RBM47: variants seen among roughly 807,000 people sequenced by gnomAD.
The protein encoded by RBM47 is RNA-binding protein 47.
In RBM47, 21 loss-of-function variants were observed where a neutral mutation model predicts 47.1. That is an observed-to-expected ratio of 0.45 (90% CI 0.32 to 0.64). The LOEUF (loss-of-function observed/expected upper bound fraction) is 0.64, where lower values mean the gene tolerates loss of function less well. Among genes scored for constraint, RBM47 ranks in the 30% least tolerant of loss-of-function variants. RBM47 has a pLI of 0.05. For missense variants in RBM47, 708 were observed against 870.9 expected, an observed-to-expected ratio of 0.81 and a Z score of 2.35; for synonymous variants, 375 against 361.7, an observed-to-expected ratio of 1.04 and a Z score of -0.42.
rs569624798 is a variant in RBM47, at chr4:40,557,640, T to C, written c.-239-13134A>G. On this transcript the variant is annotated intron_variant, in intron 1 of 6. Transcript: ENST00000295971. ...GGTGGGTGCCAGAAATCCCAGCTAC[T>C]TGGGATGCTGAAGCAGGAGAATCGC... 4.6e-5 allele frequency among the ~76,000 whole-genome samples: 7 copies of C among 152,182 alleles called. No homozygotes were observed. In the East Asian group the frequency reaches 1.4e-3, roughly 29 times the overall value.
intron 2 of RBM47, among the ~76,000 whole-genome samples, chr4:40,498,684 A>AT: frequency 6.6e-6 from 1 of 151,768 alleles, no homozygotes; most frequent in East Asian, 1.9e-4. Flanking sequence ...AAAAAAAAAA[A>AT]AAAAAAAAAT....
At chr4:40,463,884 G>A (rs141261911) in intron 3 of RBM47, among the ~76,000 whole-genome samples, 11 of 152,062 alleles carry the variant, frequency 7.2e-5, no homozygotes, top group Non-Finnish European at 1.5e-4. Flanking sequence ...CCTGTGAAAC[G>A]CACATTGCCA....
intron 1 of RBM47, among the ~76,000 whole-genome samples, chr4:40,591,264 T>C (rs115938489): frequency 1.8e-3 from 268 of 152,198 alleles, no homozygotes; most frequent in African/African-American, 6.1e-3. Flanking sequence ...TGGAAGTAGG[T>C]AGAGGTGATG....
intron 2 of RBM47, among the ~76,000 whole-genome samples, chr4:40,526,557 G>GT (rs1726732688): frequency 6.6e-6 from 1 of 151,812 alleles, no homozygotes; most frequent in Non-Finnish European, 1.5e-5. Context: ...GTTTCTTTTT[G>GT]TTTTTTGTTT....
intron 1 of RBM47, among the ~76,000 whole-genome samples, chr4:40,544,714 G>A (rs2154262620): frequency 6.6e-6 from 1 of 152,246 alleles, no homozygotes; most frequent in African/African-American, 2.4e-5. Context: ...ACATCATTTT[G>A]CCAGCTCTGC....
intron 2 of RBM47, among the ~76,000 whole-genome samples, chr4:40,508,991 T>C (rs1159399342): frequency 1.3e-5 from 2 of 152,072 alleles, no homozygotes; most frequent in African/African-American, 2.4e-5. Context: ...TGAAACCCTG[T>C]CTCTACTAAA....
chr4:40,572,401 A>C (rs1288644333), intron 1 of RBM47, among the ~76,000 whole-genome samples: 1 of 151,874 alleles, frequency 6.6e-6, no homozygotes, highest in Non-Finnish European at 1.5e-5. Flanking sequence ...CTCTCAATGT[A>C]CTGTTATTGA....
chr4:40,578,884 A>G (rs1238001590), intron 1 of RBM47, among the ~76,000 whole-genome samples: 3 of 152,160 alleles, frequency 2.0e-5, no homozygotes, highest in African/African-American at 7.2e-5. Flanking sequence ...TTGGGAGGCC[A>G]GGGAGGGCAG....
rs372794689 is a variant in RBM47 at position 40,546,678 on chromosome 4, T to C, written c.-239-2172A>G. ...ACTAAGGTTGAGCTTCTGATTAACA[T>C]ACAGTGCTGGAAGGAACTTTGACCC... is the stretch of plus-strand genomic sequence containing the variant. On this transcript the variant is annotated intron_variant, in intron 1 of 6. Transcript: ENST00000295971. 2.6e-5 allele frequency among the ~76,000 whole-genome samples: 4 copies of C among 152,314 alleles called. No individual in the cohort carries two copies. In the East Asian group the frequency reaches 5.8e-4, roughly 22 times the overall value.
At chr4:40,454,504 C>A (rs931623481) in intron 3 of RBM47, among the ~76,000 whole-genome samples, 1 of 151,790 alleles carries the variant, frequency 6.6e-6, no homozygotes, top group Non-Finnish European at 1.5e-5. Context: ...TATTTTTATT[C>A]ATTTATTTTT....
chr4:40,481,834 G>A (rs945350596), intron 2 of RBM47, among the ~76,000 whole-genome samples: 3 of 152,194 alleles, frequency 2.0e-5, no homozygotes, highest in Non-Finnish European at 4.4e-5. Flanking sequence ...TTACAGGCGT[G>A]AGCCTCCGCA....
chr4:40,505,981 A>G (rs888961848), intron 2 of RBM47, among the ~76,000 whole-genome samples: 9 of 152,158 alleles, frequency 5.9e-5, no homozygotes, highest in African/African-American at 1.7e-4. Context: ...TGACAAGTCA[A>G]TCTTCCTTGG....
intron 2 of RBM47, among the ~76,000 whole-genome samples, chr4:40,505,062 A>G (rs910744016): frequency 7.2e-5 from 11 of 152,188 alleles, no homozygotes; most frequent in African/African-American, 2.7e-4. Context: ...ACGGTGGCAC[A>G]TGCCTGTAGT....
intron 1 of RBM47, among the ~76,000 whole-genome samples, chr4:40,600,999 A>AAAAAAAAAAAAAAAAAAAAAG (rs1338188731): frequency 1.4e-5 from 2 of 147,364 alleles, no homozygotes; most frequent in African/African-American, 5.3e-5. Context: ...AAAAAAAAAA[A>AAAAAAAAAAAAAAAAAAAAAG]AAAGAAAGAA....
chr4:40,600,916 C>T (rs147352316), intron 1 of RBM47, among the ~76,000 whole-genome samples: 1 of 133,010 alleles, frequency 7.5e-6, no homozygotes, highest in Non-Finnish European at 1.5e-5. Context: ...ACCCGGGAGG[C>T]GGAGTTTGCG....
intron 2 of RBM47, among the ~76,000 whole-genome samples, chr4:40,469,070 G>C (rs1471565116): frequency 1.3e-5 from 2 of 152,176 alleles, no homozygotes; most frequent in Non-Finnish European, 2.9e-5. Flanking sequence ...ATTCCTGGCA[G>C]GACTGTTGTG....
At chr4:40,618,412 A>C (rs1189093070) in intron 1 of RBM47, among the ~76,000 whole-genome samples, 1 of 152,060 alleles carries the variant, frequency 6.6e-6, no homozygotes, top group East Asian at 1.9e-4. Context: ...ACAGAGTGGC[A>C]CCTTGTCTCT....
intron 2 of RBM47, among the ~76,000 whole-genome samples, chr4:40,509,829 G>A (rs1312534826): frequency 2.0e-5 from 3 of 151,820 alleles, no homozygotes; most frequent in Non-Finnish European, 4.4e-5. Flanking sequence ...CTTGCAGTGA[G>A]CGGAGATTGC....
intron 2 of RBM47, among the ~76,000 whole-genome samples, chr4:40,479,192 C>T (rs1323083044): frequency 6.6e-6 from 1 of 152,156 alleles, no homozygotes; most frequent in Non-Finnish European, 1.5e-5. Context: ...GTCTATTATC[C>T]TATTATAGCA....
Sources: gnomAD v4.1 joint callset for allele counts (sites outside exome capture counted in the v4.1 genomes callset) on GRCh38, gnomAD v4.1.1 for gene constraint, MANE v1.5 for transcripts, NCBI Gene and HGNC (gene_info 2026-07-23, HGNC 2026-07-21) for gene names.